Variants in CAMKMT observed in about 807,000 individuals in gnomAD.
The protein encoded by CAMKMT is calmodulin-lysine N-methyltransferase.
Under a neutral mutation model 48.0 loss-of-function variants are expected in CAMKMT, and 53 were observed. The observed-to-expected ratio is 1.10, with a 90% confidence interval of 0.89 to 1.39. The LOEUF (loss-of-function observed/expected upper bound fraction) is 1.39. CAMKMT is among the 40% of genes most tolerant of loss of function. The probability of loss-of-function intolerance (pLI) is 0.00; values close to 1 mark genes in which losing one functional copy is unlikely to be tolerated. For missense variants in CAMKMT, 428 were observed against 402.7 expected, an observed-to-expected ratio of 1.06 and a Z score of -0.54; for synonymous variants, 165 against 152.3, an observed-to-expected ratio of 1.08 and a Z score of -0.61.
intron 3 of CAMKMT, among the ~76,000 whole-genome samples, chr2:44,699,137 C>G (rs1201526464): frequency 6.6e-6 from 1 of 152,196 alleles, no homozygotes; most frequent in Admixed American, 6.5e-5. Flanking sequence ...CCTGTTAACA[C>G]TGATATTTTG....
intron 7 of CAMKMT, among the ~76,000 whole-genome samples, chr2:44,732,835 G>A (rs1186592312): frequency 6.6e-6 from 1 of 152,156 alleles, no homozygotes. Flanking sequence ...GCTTATATCA[G>A]ATACTATATA....
At chr2:44,544,778 G>C (rs981714015) in intron 3 of CAMKMT, among the ~76,000 whole-genome samples, 22 of 152,148 alleles carry the variant, frequency 1.4e-4, no homozygotes, top group Non-Finnish European at 2.9e-4. Flanking sequence ...CAGGCTATAA[G>C]ATTCTAATAT....
At chr2:44,705,186 T>A (rs182634203) in intron 4 of CAMKMT, 98 of 179,928 alleles carry the variant, frequency 5.4e-4, no homozygotes, top group Admixed American at 1.0e-3. Context: ...CAGTCTACAA[T>A]TGCTTTAAAC....
chr2:44,707,273 G>C, intron 5 of CAMKMT, 126 bp from the exon 6 acceptor site: 1 of 744,114 alleles, frequency 1.3e-6, no homozygotes, highest in Non-Finnish European at 2.3e-6. Context: ...AATGAAAAAA[G>C]ATTGAAGATT....
intron 3 of CAMKMT, among the ~76,000 whole-genome samples, chr2:44,404,718 C>G (rs988822376): frequency 2.6e-5 from 4 of 151,912 alleles, no homozygotes; most frequent in African/African-American, 7.3e-5. Context: ...TACCTGTGTG[C>G]CTGTCTCGAT....
At chr2:44,699,203 TC>T (rs1677129734) in intron 3 of CAMKMT, among the ~76,000 whole-genome samples, 1 of 152,242 alleles carries the variant, frequency 6.6e-6, no homozygotes, top group South Asian at 2.1e-4. Context: ...GTGAGTCCTT[TC>T]CAGAAGATTT....
chr2:44,473,677 C>T (rs1284298103), intron 3 of CAMKMT, among the ~76,000 whole-genome samples: 1 of 152,124 alleles, frequency 6.6e-6, no homozygotes, highest in Non-Finnish European at 1.5e-5. Flanking sequence ...ATCCTCTCTC[C>T]TTGGGGAAGT....
intron 3 of CAMKMT, among the ~76,000 whole-genome samples, chr2:44,615,089 T>C (rs1218517568): frequency 6.6e-6 from 1 of 151,306 alleles, no homozygotes; most frequent in Non-Finnish European, 1.5e-5. Context: ...CACACCCGGC[T>C]AATTTTTAAA....
At chr2:44,378,121 G>C (rs573639067) in intron 2 of CAMKMT, among the ~76,000 whole-genome samples, 1 of 152,104 alleles carries the variant, frequency 6.6e-6, no homozygotes, top group Non-Finnish European at 1.5e-5. Context: ...ATAAAACAAC[G>C]TTTTTTAGGA....
At chr2:44,562,145 C>T (rs1423946967) in intron 3 of CAMKMT, among the ~76,000 whole-genome samples, 1 of 152,160 alleles carries the variant, frequency 6.6e-6, no homozygotes, top group Non-Finnish European at 1.5e-5. Flanking sequence ...CAGCTGCTGT[C>T]TTTGAGTAGA....
intron 3 of CAMKMT, among the ~76,000 whole-genome samples, chr2:44,474,389 G>T (rs1277724832): frequency 6.6e-6 from 1 of 151,310 alleles, no homozygotes; most frequent in African/African-American, 2.4e-5. Flanking sequence ...GGAGGTTGCA[G>T]TGGGCTGAGA....
intron 3 of CAMKMT, among the ~76,000 whole-genome samples, chr2:44,569,854 T>C (rs1339908502): frequency 1.3e-5 from 2 of 152,218 alleles, no homozygotes; most frequent in African/African-American, 4.8e-5. Context: ...ATGATGTGGA[T>C]TTTATAGCAA....
At chr2:44,543,802 A>T (rs1667255771) in intron 3 of CAMKMT, among the ~76,000 whole-genome samples, 1 of 152,228 alleles carries the variant, frequency 6.6e-6, no homozygotes, top group South Asian at 2.1e-4. Context: ...TGGAAATTGT[A>T]TCCTCACTTA....
intron 9 of CAMKMT, among the ~76,000 whole-genome samples, chr2:44,757,140 C>T (rs920734914): frequency 6.6e-6 from 1 of 152,178 alleles, no homozygotes; most frequent in Non-Finnish European, 1.5e-5. Context: ...AGCTGCTTCT[C>T]TTTTATTGCT....
intron 2 of CAMKMT, among the ~76,000 whole-genome samples, chr2:44,389,708 A>G (rs1402002331): frequency 6.6e-6 from 1 of 152,222 alleles, no homozygotes; most frequent in East Asian, 1.9e-4. Flanking sequence ...GCGGGATTAG[A>G]ATTAAAGGCA....
intron 3 of CAMKMT, among the ~76,000 whole-genome samples, chr2:44,521,745 C>T: frequency 6.6e-6 from 1 of 152,324 alleles, no homozygotes; most frequent in Non-Finnish European, 1.5e-5. Context: ...ATGTCAGCTA[C>T]TGGGCTGACT....
At chr2:44,619,811 C>A (rs1672079950) in intron 3 of CAMKMT, among the ~76,000 whole-genome samples, 3 of 152,134 alleles carry the variant, frequency 2.0e-5, no homozygotes, top group Admixed American at 6.5e-5. Flanking sequence ...CATACCTATA[C>A]AATGCTGTGG....
At chr2:44,391,436 A>G (rs1681330876) in intron 3 of CAMKMT, among the ~76,000 whole-genome samples, 2 of 151,996 alleles carry the variant, frequency 1.3e-5, no homozygotes, top group African/African-American at 2.4e-5. Flanking sequence ...CCATGTTGGC[A>G]TTTAGTGAAT....
chr2:44,736,580 A>T (rs982815614), intron 7 of CAMKMT, among the ~76,000 whole-genome samples: 1 of 152,150 alleles, frequency 6.6e-6, no homozygotes, highest in Non-Finnish European at 1.5e-5. Context: ...TTTTTCAGCC[A>T]TTATTTCTTC....
Sources: allele counts gnomAD v4.1 joint callset (sites outside exome capture counted in the v4.1 genomes callset), GRCh38; gene constraint gnomAD v4.1.1; transcripts MANE v1.5; gene names NCBI Gene and HGNC (gene_info 2026-07-23, HGNC 2026-07-21).